Variants in TMEM132B observed in about 807,000 individuals in gnomAD.
The protein encoded by TMEM132B is transmembrane protein 132B.
Under a neutral mutation model 90.8 loss-of-function variants are expected in TMEM132B, and 18 were observed. The ratio of observed to expected loss-of-function variants is 0.20; its 90% confidence interval spans 0.14 to 0.29. The LOEUF (loss-of-function observed/expected upper bound fraction) is 0.29. TMEM132B is among the 10% of genes least tolerant of loss of function. The pLI is 1.00. For synonymous variants in TMEM132B, 504 were observed against 523.3 expected, an observed-to-expected ratio of 0.96 and a Z score of 0.50; for missense variants, 1,096 against 1,326.8, an observed-to-expected ratio of 0.83 and a Z score of 2.70.
In TMEM132B at chr12:125,342,041, G is replaced by A. The variant is rs545660792; in HGVS notation, c.68-7411G>A. On this transcript the variant is annotated intron_variant, in intron 1 of 8. Coordinates refer to ENST00000682704, the MANE Select transcript of TMEM132B (RefSeq NM_001366854.1). ...GCCTATATTCTCTATTTTGTTGGTA[G>A]TTCTGCAAACTATAATACCTAGGTG... Among the ~76,000 whole-genome samples, 5 of 152,186 alleles carry A rather than the reference G, an allele frequency of 3.3e-5. No homozygotes were observed. In the South Asian group the frequency reaches 1.0e-3, roughly 32 times the overall value.
At chr12:125,424,270 T>C (rs1298063667) in intron 3 of TMEM132B, among the ~76,000 whole-genome samples, 1 of 152,174 alleles carries the variant, frequency 6.6e-6, no homozygotes, top group Non-Finnish European at 1.5e-5. Flanking sequence ...AACTGGCAGG[T>C]CAAAATACGT....
intron 4 of TMEM132B, among the ~76,000 whole-genome samples, chr12:125,575,186 A>C (rs1163430883): frequency 6.7e-6 from 1 of 149,464 alleles, no homozygotes; most frequent in Non-Finnish European, 1.5e-5. Context: ...CCCCACAGAC[A>C]ATGTATGAGA....
At chr12:125,567,266 C>T (rs920149392) in intron 4 of TMEM132B, among the ~76,000 whole-genome samples, 5 of 152,120 alleles carry the variant, frequency 3.3e-5, no homozygotes, top group Admixed American at 6.5e-5. Flanking sequence ...CCCCACCTGT[C>T]TTTCTCTATA....
At position 125,392,344 on chromosome 12, in the gene TMEM132B, G is replaced by A. The variant is rs556546392; in HGVS notation, c.960-23187G>A. Among the ~76,000 whole-genome samples, 43 of 152,222 alleles carry A rather than the reference G, an allele frequency of 2.8e-4. No homozygotes were observed. In the South Asian group the frequency reaches 8.5e-3, roughly 30 times the overall value. On this transcript the variant is annotated intron_variant, in intron 2 of 8. Coordinates refer to ENST00000682704, the MANE Select transcript of TMEM132B (RefSeq NM_001366854.1). ...AGGAGATATGTATTTAGTGCTTGCCGTATGCCAGGTCAGGCACTGTGCTGT... is the reference window on the plus strand; with the variant it reads ...AGGAGATATGTATTTAGTGCTTGCCATATGCCAGGTCAGGCACTGTGCTGT...
At chr12:125,371,840 G>A (rs1878299995) in intron 2 of TMEM132B, among the ~76,000 whole-genome samples, 1 of 152,170 alleles carries the variant, frequency 6.6e-6, no homozygotes, top group Non-Finnish European at 1.5e-5. Context: ...GTATTGTTTG[G>A]TTAAGAATTT....
chr12:125,350,286 C>A lies in TMEM132B; in HGVS notation c.902C>A (p.Thr301Lys), dbSNP rs747888388. Residue 301 changes from threonine (T) to lysine (K), a missense_variant, in exon 2 of 9, where the codon ACG becomes AAG. Coordinates refer to ENST00000682704, the MANE Select transcript of TMEM132B (RefSeq NM_001366854.1). The stretch of plus-strand genomic sequence containing the variant: ...CTGAATCTAGTCCGGGAAGGGGACA[C>A]GGCCACCTTTTTGGTCTCTCTGACC... ...VPLNLVREGDTATFLVSLTSS... is the reference protein window; with the variant it reads ...VPLNLVREGDKATFLVSLTSS... 3.7e-6 allele frequency: 6 copies of A among 1,613,868 alleles called. No individual in the cohort carries two copies. The South Asian group carries it at 5.5e-5, about 15-fold the overall frequency.
intron 5 of TMEM132B, among the ~76,000 whole-genome samples, chr12:125,596,642 A>T (rs918839075): frequency 3.3e-5 from 5 of 152,054 alleles, no homozygotes; most frequent in Non-Finnish European, 5.9e-5. Context: ...GCCTTTTTTT[A>T]AAGAGTAAAG....
At chr12:125,221,484 G>T (rs1335805914) in intron 1 of TMEM132B, among the ~76,000 whole-genome samples, 1 of 152,138 alleles carries the variant, frequency 6.6e-6, no homozygotes, top group Non-Finnish European at 1.5e-5. Flanking sequence ...TTTGAGATCT[G>T]AAAAAGTTAT....
rs145790703 is a variant in TMEM132B at position 125,652,228 on chromosome 12, T to A, written c.1915-213T>A. ...TATACTGCTGTTATCATGACATAAATCAGAGGAAAGTAAATAGACCAAGAT... is the reference window on the plus strand; with the variant it reads ...TATACTGCTGTTATCATGACATAAAACAGAGGAAAGTAAATAGACCAAGAT... On this transcript the variant is annotated intron_variant, in intron 7 of 8. Coordinates refer to ENST00000682704, the MANE Select transcript of TMEM132B (RefSeq NM_001366854.1). Among the ~76,000 whole-genome samples, 74 of 152,344 alleles carry A rather than the reference T, an allele frequency of 4.9e-4. No homozygotes were observed. The East Asian group carries it at 0.013, about 27-fold the overall frequency.
intron 1 of TMEM132B, among the ~76,000 whole-genome samples, chr12:125,289,106 G>A (rs146835076): frequency 5.4e-4 from 83 of 152,316 alleles, no homozygotes; most frequent in African/African-American, 2.0e-3. Context: ...TTGACCTGGA[G>A]TGTTCTCAGC....
At chr12:125,645,084 G>C (rs930496978) in intron 6 of TMEM132B, among the ~76,000 whole-genome samples, 8 of 152,124 alleles carry the variant, frequency 5.3e-5, no homozygotes, top group Admixed American at 5.2e-4. Context: ...TGGGCGTGGT[G>C]GTGGGCGCCT....
intron 2 of TMEM132B, among the ~76,000 whole-genome samples, chr12:125,371,148 C>A (rs925244743): frequency 6.6e-6 from 1 of 152,144 alleles, no homozygotes; most frequent in Admixed American, 6.5e-5. Context: ...CAGATGAAGG[C>A]CAGAAGCCTC....
intron 3 of TMEM132B, among the ~76,000 whole-genome samples, chr12:125,486,628 AC>A (rs1476280883): frequency 4.6e-5 from 7 of 152,050 alleles, no homozygotes; most frequent in Admixed American, 2.6e-4. Context: ...CTTCTGGCCC[AC>A]CCCCCGGAAA....
intron 1 of TMEM132B, among the ~76,000 whole-genome samples, chr12:125,332,435 T>C (rs964155182): frequency 1.8e-4 from 27 of 152,156 alleles, no homozygotes; most frequent in African/African-American, 5.8e-4. Flanking sequence ...AATTTTTTTT[T>C]CCCACAGACT....
intron 1 of TMEM132B, among the ~76,000 whole-genome samples, chr12:125,218,334 C>T (rs1003686639): frequency 1.3e-5 from 2 of 152,042 alleles, no homozygotes; most frequent in Non-Finnish European, 2.9e-5. Context: ...CTCAATCGTC[C>T]TTTCCCCTTA....
chr12:125,519,614 C>G lies in TMEM132B; in HGVS notation c.1282C>G (p.Pro428Ala). 6.2e-7 allele frequency: 1 copy of G among 1,613,956 alleles called. No homozygotes were observed. The highest frequency in any genetic ancestry group is 8.5e-7 in the Non-Finnish European group (1 of 1,179,998). The change falls in exon 4 of 9, where the codon CCT becomes GCT. Residue 428 changes from proline to alanine, a missense_variant. By Grantham distance (27) the Pro-to-Ala change is conservative. Transcript: ENST00000682704. ...VSQTTFVGIVPLAMDTEVLNT... is the reference protein window; with the variant it reads ...VSQTTFVGIVALAMDTEVLNT... ...CCAGACAACCTTCGTGGGCATCGTC[C>G]CTCTTGCCATGGTGAGGAATCTGGG...
At chr12:125,234,542 G>A (rs7133139) in intron 1 of TMEM132B, among the ~76,000 whole-genome samples, 48,171 of 151,982 alleles carry the variant, frequency 0.32, 8,493 homozygotes, top group African/African-American at 0.46. Flanking sequence ...GTCAAGTGGG[G>A]CCCAACGATC....
chr12:125,426,805 G>A (rs1053998021), intron 3 of TMEM132B, among the ~76,000 whole-genome samples: 2 of 152,178 alleles, frequency 1.3e-5, no homozygotes, highest in African/African-American at 2.4e-5. Context: ...ATCAGAGTTC[G>A]AGATGCTGGA....
chr12:125,229,060 G>T (rs1873755028), intron 1 of TMEM132B, among the ~76,000 whole-genome samples: 1 of 152,208 alleles, frequency 6.6e-6, no homozygotes, highest in African/African-American at 2.4e-5. Flanking sequence ...ACCGAGGAGG[G>T]CAGACAGGGA....
Sources: allele counts gnomAD v4.1 joint callset (sites outside exome capture counted in the v4.1 genomes callset), GRCh38; gene constraint gnomAD v4.1.1; transcripts MANE v1.5; gene names NCBI Gene and HGNC (gene_info 2026-07-23, HGNC 2026-07-21).